The following FAM114A1 variants were observed in gnomAD, a reference collection of about 807,000 sequenced individuals.
FAM114A1 encodes family with sequence similarity 114 member A1.
A neutral mutation model predicts 64.3 loss-of-function variants in FAM114A1; 62 were observed. The observed-to-expected ratio is 0.96, with a 90% CI of 0.79 to 1.19. The LOEUF (loss-of-function observed/expected upper bound fraction) is 1.19. Among genes scored for constraint, FAM114A1 ranks in the 50% most tolerant of loss-of-function variants. FAM114A1 has a pLI of 0.00. For synonymous variants in FAM114A1, 254 were observed against 251.1 expected, an observed-to-expected ratio of 1.01 and a Z score of -0.11; for missense variants, 645 against 676.3, an observed-to-expected ratio of 0.95 and a Z score of 0.51.
At chr4:38,943,388 C>A in intron 14 of FAM114A1, 68 bp from the exon 15 acceptor site, 2 of 1,325,308 alleles carry the variant, frequency 1.5e-6, no homozygotes, top group Non-Finnish European at 2.2e-6. Flanking sequence ...GAACATTATC[C>A]AATTGGAAGT....
intron 4 of FAM114A1, among the ~76,000 whole-genome samples, chr4:38,894,454 G>T (rs1228746344): frequency 6.6e-6 from 1 of 152,186 alleles, no homozygotes; most frequent in Admixed American, 6.5e-5. Flanking sequence ...CCAGTCACAT[G>T]GTCACTGTGC....
chr4:38,936,238 GC>G (rs1195929708), intron 13 of FAM114A1, among the ~76,000 whole-genome samples: 1 of 150,756 alleles, frequency 6.6e-6, no homozygotes, highest in African/African-American at 2.4e-5. Flanking sequence ...GACTACAGGC[GC>G]CCGCCACCAC....
intron 6 of FAM114A1, 135 bp downstream of exon 6, chr4:38,905,996 T>A (rs1398339628): frequency 1.4e-5 from 10 of 696,370 alleles, no homozygotes; most frequent in East Asian, 8.6e-5. Context: ...GTTTTTTTTT[T>A]AATGTTTTCT....
intron 14 of FAM114A1, 97 bp downstream of exon 14, chr4:38,941,118 T>C (rs1183293246): frequency 5.4e-6 from 6 of 1,103,400 alleles, no homozygotes; most frequent in East Asian, 2.5e-5. Flanking sequence ...GCAAATGTTA[T>C]TGCAATTCTG....
chr4:38,879,621 T>G (rs927388095), intron 3 of FAM114A1, among the ~76,000 whole-genome samples: 6 of 149,142 alleles, frequency 4.0e-5, no homozygotes, highest in Non-Finnish European at 8.9e-5. Context: ...GGTGTTTCCC[T>G]TCACTGGAAG....
chr4:38,888,769 G>A (rs900516262), intron 3 of FAM114A1, among the ~76,000 whole-genome samples: 2 of 152,130 alleles, frequency 1.3e-5, no homozygotes, highest in African/African-American at 4.8e-5. Flanking sequence ...GGGAGTTATG[G>A]GGGAAGGGTG....
chr4:38,914,783 T>G, intron 7 of FAM114A1, 138 bp from the exon 8 acceptor site: 1 of 941,976 alleles, frequency 1.1e-6, no homozygotes, highest in Non-Finnish European at 1.5e-6. Flanking sequence ...AAAAAAATCA[T>G]TTTTTAGAAA....
chr4:38,902,123 G>C (rs1717578119), intron 4 of FAM114A1, among the ~76,000 whole-genome samples: 1 of 152,210 alleles, frequency 6.6e-6, no homozygotes, highest in Admixed American at 6.5e-5. Context: ...CAGAAGGACT[G>C]AGTTGGAATC....
At chr4:38,868,024 G>T in intron 1 of FAM114A1, 190 bp downstream of exon 1, 1 of 422,108 alleles carries the variant, frequency 2.4e-6, no homozygotes, top group Non-Finnish European at 4.8e-6. Flanking sequence ...CTGGGGCGGC[G>T]CGGCCGAGGG....
intron 9 of FAM114A1, among the ~76,000 whole-genome samples, chr4:38,928,705 A>G (rs1421107281): frequency 6.6e-6 from 1 of 152,232 alleles, no homozygotes; most frequent in African/African-American, 2.4e-5. Flanking sequence ...CCAGCCAGGT[A>G]TCCTAGGGAA....
chr4:38,892,919 A>T (rs1027127805), intron 4 of FAM114A1, among the ~76,000 whole-genome samples: 11 of 152,254 alleles, frequency 7.2e-5, no homozygotes, highest in African/African-American at 2.4e-4. Flanking sequence ...CATTCCTCTA[A>T]TTCCATCTCT....
chr4:38,878,261 A>G lies in FAM114A1; in HGVS notation c.183A>G (p.Ala61=), dbSNP rs1223959186. Residue 61 remains alanine (A), a synonymous_variant, in exon 3 of 15, where the codon GCA becomes GCG. Coordinates refer to ENST00000358869, the MANE Select transcript of FAM114A1 (RefSeq NM_138389.4). ...EGHENAAVQG[A]GAAAIGPPVQ... Reference sequence around the variant, plus strand: ...ATGAAAATGCAGCTGTGCAGGGTGCAGGGGCTGCCGCCATTGGGCCCCCTG... The same window carrying G: ...ATGAAAATGCAGCTGTGCAGGGTGCGGGGGCTGCCGCCATTGGGCCCCCTG... 6.2e-7 allele frequency: 1 copy of G among 1,614,088 alleles called. No homozygotes were observed. Among genetic ancestry groups the G allele is most frequent in the African/African-American group, 1.3e-5 (1 of 74,936 alleles).
chr4:38,939,203 A>G (rs1018378935), intron 13 of FAM114A1, among the ~76,000 whole-genome samples: 3 of 152,226 alleles, frequency 2.0e-5, no homozygotes, highest in African/African-American at 7.2e-5. Context: ...TACACATACA[A>G]GTGTTTGCAT....
Position 38,910,924 on chromosome 4 carries a change from T to G in FAM114A1, c.792+2198T>G, listed in dbSNP as rs149810547. Among the ~76,000 whole-genome samples the G allele has an allele frequency of 3.7e-4, 56 of 152,226 alleles. 1 individual carries two copies. Among genetic ancestry groups the G allele is most frequent in the African/African-American group, 1.3e-3 (56 of 41,538 alleles). ...TAAGGACCTTGGGTTTGACTGTTAG[T>G]GAAATGGGGAAACCATTGCAGCATT... On this transcript the variant is annotated intron_variant, in intron 7 of 14. Coordinates refer to ENST00000358869, the MANE Select transcript of FAM114A1 (RefSeq NM_138389.4).
At chr4:38,891,133 C>T (rs1716332849) in intron 3 of FAM114A1, among the ~76,000 whole-genome samples, 1 of 152,224 alleles carries the variant, frequency 6.6e-6, no homozygotes, top group Non-Finnish European at 1.5e-5. Context: ...TTGGAATCCA[C>T]TGAGGTCAGG....
rs978973110 is a variant in FAM114A1, at chr4:38,893,508, C to T, written c.436+1678C>T. On this transcript the variant is annotated intron_variant, in intron 4 of 14. Coordinates refer to ENST00000358869, the MANE Select transcript of FAM114A1 (RefSeq NM_138389.4). ...AACTTTTAAATATAAGTTCCTGCCA[C>T]AGTAAACACAGAAATCATCTGCTCT... Among the ~76,000 whole-genome samples, 5 of 152,318 alleles carry T rather than the reference C, an allele frequency of 3.3e-5. No individual in the cohort carries two copies. In the South Asian group the frequency reaches 6.2e-4, roughly 19 times the overall value.
chr4:38,927,786 T>G (rs953014896), intron 9 of FAM114A1, among the ~76,000 whole-genome samples: 2 of 152,136 alleles, frequency 1.3e-5, no homozygotes, highest in African/African-American at 2.4e-5. Context: ...CAGGTTCAAG[T>G]GATTCTCCTG....
chr4:38,927,259 T>C (rs556113514), intron 9 of FAM114A1, among the ~76,000 whole-genome samples: 9 of 152,310 alleles, frequency 5.9e-5, no homozygotes, highest in African/African-American at 2.2e-4. Flanking sequence ...TACCATAGAC[T>C]ATGTGGCTTA....
At chr4:38,902,930 TTAGAG>T (rs1331991964) in intron 4 of FAM114A1, among the ~76,000 whole-genome samples, 2 of 152,164 alleles carry the variant, frequency 1.3e-5, no homozygotes, top group Non-Finnish European at 2.9e-5. Context: ...AGGTTACTCT[TTAGAG>T]TAAGGTGTGG....
Sources: gnomAD v4.1 joint callset for allele counts (sites outside exome capture counted in the v4.1 genomes callset) on GRCh38, gnomAD v4.1.1 for gene constraint, MANE v1.5 for transcripts, NCBI Gene and HGNC (gene_info 2026-07-23, HGNC 2026-07-21) for gene names.